The following WHAMM variants were observed in gnomAD, a reference collection of about 807,000 sequenced individuals.
The protein encoded by WHAMM is WASP homolog associated with actin, golgi membranes and microtubules.
A neutral mutation model predicts 76.5 loss-of-function variants in WHAMM; 67 were observed. The ratio of observed to expected loss-of-function variants is 0.88; its 90% CI spans 0.72 to 1.07. The LOEUF is 1.07. Ranked by LOEUF, WHAMM falls within the 50% of genes least tolerant of loss-of-function variation. The pLI, the probability that WHAMM is intolerant of heterozygous loss-of-function variation, is 0.00. For missense variants in WHAMM, 1,021 were observed against 1,051.1 expected (o/e 0.97, Z 0.40); for synonymous variants, 419 against 422.1 (o/e 0.99, Z 0.09).
chr15:82,821,374 T>C (rs2050824197), intron 5 of WHAMM, among the ~76,000 whole-genome samples: 1 of 152,248 alleles, frequency 6.6e-6, no homozygotes, highest in Non-Finnish European at 1.5e-5. Context: ...GTTTATGATG[T>C]TGCTTTTTAA....
intron 2 of WHAMM, among the ~76,000 whole-genome samples, chr15:82,815,155 A>ATATATATACT (rs55807384): frequency 2.2e-5 from 1 of 46,148 alleles, no homozygotes; most frequent in African/African-American, 9.1e-5. Context: ...ATATATATAT[A>ATATATATACT]GTACAATTCA....
intron 8 of WHAMM, among the ~76,000 whole-genome samples, chr15:82,827,685 C>G (rs1466685233): frequency 6.6e-6 from 1 of 152,186 alleles, no homozygotes; most frequent in Admixed American, 6.5e-5. Flanking sequence ...TGGCTTACGC[C>G]TGTAATCCCA....
chr15:82,825,819 A>G (rs1480518039), intron 6 of WHAMM, among the ~76,000 whole-genome samples: 1 of 152,126 alleles, frequency 6.6e-6, no homozygotes, highest in East Asian at 1.9e-4. Flanking sequence ...AGTGGCAATA[A>G]TACAAATTTC....
rs2051104285 is a variant in WHAMM at position 82,834,733 on chromosome 15, T to TGCATTA, written c.*1202_*1207dup. On this transcript the variant is annotated 3_prime_UTR_variant, in exon 10 of 10. Transcript: ENST00000286760. Reference sequence around the variant, plus strand: ...ATAAACTCATAATAACTATTTGCAATGCATTAGCATCACTCACGGGGTAAT... The same window carrying TGCATTA: ...ATAAACTCATAATAACTATTTGCAATGCATTAGCATTAGCATCACTCACGGGGTAAT... 1 of 152,570 alleles carries TGCATTA rather than the reference T, an allele frequency of 6.6e-6. No individual in the cohort carries two copies. The highest frequency in any genetic ancestry group is 1.5e-5 in the Non-Finnish European group (1 of 68,046). The allele number at this position is 152,570 out of a possible 1,614,324, so 9.5% of individuals were successfully genotyped here.
chr15:82,811,489 A>G lies in WHAMM; in HGVS notation c.609+1154A>G, dbSNP rs150380205. ...TGTAGTAAATACTATCAGAAAAGTT[A>G]TAGTTTTCCCAAATTTAAGTTCACT... On this transcript the variant is annotated intron_variant, in intron 1 of 9. Transcript: ENST00000286760. Among the ~76,000 whole-genome samples the G allele has an allele frequency of 6.2e-3, 938 of 152,348 alleles. 11 individuals are homozygous for G. Among genetic ancestry groups the G allele is most frequent in the Non-Finnish European group, 6.2e-3 (423 of 68,034 alleles).
chr15:82,824,596 CGGGCATGAGT>C (rs1284429257), intron 6 of WHAMM, among the ~76,000 whole-genome samples: 1 of 151,522 alleles, frequency 6.6e-6, no homozygotes, highest in East Asian at 1.9e-4. Context: ...GCTGGGATTA[CGGGCATGAGT>C]CACAGCGCCT....
rs1283410629 is a variant in WHAMM, at chr15:82,819,418, A to T, written c.1200A>T (p.Lys400Asn). 2.0e-5 allele frequency: 25 copies of T among 1,245,748 alleles called. No individual in the cohort carries two copies. Among genetic ancestry groups the T allele is most frequent in the Non-Finnish European group, 2.4e-5 (22 of 926,164 alleles). 77.2% of individuals were successfully genotyped at this position (1,245,748 alleles called of 1,614,324 possible). A position where few individuals can be genotyped will look rare whatever the true frequency, so the allele number is the denominator to read the frequency against. ...TTCAATTAGAACTATATGAAGTTAA[A>T]TTTGAGATATTAAAAAACGAAGAAA... ...YEIQLELYEV[K>N]FEILKNEEIL... Residue 400 changes from lysine (K) to asparagine (N), a missense_variant, in exon 5 of 10, where the codon AAA (lysine) becomes AAT (asparagine). Around this residue, in one of 3 missense-constraint regions of WHAMM, gnomAD observed 11 missense variants for 34.0 expected, o/e 0.32. Transcript: ENST00000286760.
chr15:82,835,743 C>T lies in WHAMM; in HGVS notation c.*2207C>T, dbSNP rs116893672. 920 of 152,468 alleles carry T rather than the reference C, an allele frequency of 6.0e-3. 6 individuals carry two copies. The highest frequency in any genetic ancestry group is 0.011 in the Admixed American group (175 of 15,306). 9.4% of individuals were successfully genotyped at this position (152,468 alleles called of 1,614,324 possible). A position where few individuals can be genotyped will look rare whatever the true frequency, so the allele number is the denominator to read the frequency against. ...TTCCCAGGGGTGTTCCAGTGGGGGA[C>T]GCAACCTGCGGGCTACTCGCTGGGC... On this transcript the variant is annotated 3_prime_UTR_variant, in exon 10 of 10. Transcript: ENST00000286760.
At chr15:82,812,780 C>T (rs2050652407) in intron 1 of WHAMM, among the ~76,000 whole-genome samples, 1 of 152,084 alleles carries the variant, frequency 6.6e-6, no homozygotes, top group Non-Finnish European at 1.5e-5. Flanking sequence ...TTCTCTGCCT[C>T]AGCCTCCCCA....
At chr15:82,819,514 A>T (rs771936840) in intron 5 of WHAMM, 26 bp downstream of exon 5, 1 of 1,098,288 alleles carries the variant, frequency 9.1e-7, no homozygotes, top group South Asian at 1.8e-5. Flanking sequence ...ATAGATTGCA[A>T]TGTTTAAATT....
In WHAMM at chr15:82,834,759, GA is replaced by G. The variant is rs1483439963; in HGVS notation, c.*1227del. The G allele has an allele frequency of 6.6e-6, 1 of 152,366 alleles. No individual in the cohort carries two copies. Among genetic ancestry groups the G allele is most frequent in the African/African-American group, 2.4e-5 (1 of 41,454 alleles). The allele number at this position is 152,366 out of a possible 1,614,324, so 9.4% of individuals were successfully genotyped here. On this transcript the variant is annotated 3_prime_UTR_variant, in exon 10 of 10. Transcript: ENST00000286760. ...GCATTAGCATCACTCACGGGGTAAT[GA>G]AAACATACCTTAGCTGCTGTAAAAG...
intron 1 of WHAMM, 137 bp downstream of exon 1, chr15:82,810,472 C>T: frequency 3.3e-6 from 4 of 1,224,412 alleles, no homozygotes; most frequent in Non-Finnish European, 4.1e-6. Flanking sequence ...GCGGGCTCCC[C>T]AGTGCCGTCA....
At chr15:82,827,524 G>A (rs1352741347) in intron 8 of WHAMM, among the ~76,000 whole-genome samples, 1 of 151,984 alleles carries the variant, frequency 6.6e-6, no homozygotes, top group Non-Finnish European at 1.5e-5. Flanking sequence ...CATAATCATT[G>A]TACATATTTA....
chr15:82,816,981 T>C (rs571181634), intron 3 of WHAMM, 139 bp downstream of exon 3: 100 of 840,544 alleles, frequency 1.2e-4, no homozygotes, highest in South Asian at 1.1e-3. Flanking sequence ...TAAGAGACGT[T>C]GTACAGTCTG....
intron 4 of WHAMM, among the ~76,000 whole-genome samples, chr15:82,818,823 C>CTGTCCG (rs1390458218): frequency 1.3e-5 from 2 of 152,232 alleles, no homozygotes; most frequent in Non-Finnish European, 2.9e-5. Flanking sequence ...TGCAGATTCA[C>CTGTCCG]TGTCCGGTGA....
At position 82,831,032 on chromosome 15, in the gene WHAMM, C is replaced by T; in HGVS notation, c.2075C>T (p.Ser692Leu). ...DDQPRPLVCE[S>L]PAERPRDSLE... The stretch of plus-strand genomic sequence containing the variant: ...CAGCCACGTCCTCTAGTGTGCGAAT[C>T]ACCTGCTGAGCGACCACGTGACTCC... The change falls in exon 9 of 10, where the codon TCA (serine) becomes TTA (leucine). Residue 692 changes from serine (S) to leucine (L), a missense_variant. Transcript: ENST00000286760. The T allele has an allele frequency of 1.2e-6, 2 of 1,610,182 alleles. No homozygotes were observed. Among genetic ancestry groups the T allele is most frequent in the South Asian group, 1.1e-5 (1 of 91,012 alleles).
Position 82,809,777 on chromosome 15 carries a change from G to A in WHAMM, c.51G>A (p.Glu17=), listed in dbSNP as rs2151553504. The A allele has an allele frequency of 6.3e-7, 1 of 1,596,720 alleles. No individual in the cohort carries two copies. Among genetic ancestry groups the A allele is most frequent in the Middle Eastern group, 2.3e-4 (1 of 4,384 alleles). ...DSLEGWVPVR[E]GLFAEPERHR... is the part of the protein sequence containing the mutation. ...TGGAGGGCTGGGTGCCGGTCCGGGAGGGCCTCTTCGCCGAGCCCGAGAGGC... is the reference window on the plus strand; with the variant it reads ...TGGAGGGCTGGGTGCCGGTCCGGGAAGGCCTCTTCGCCGAGCCCGAGAGGC... The change falls in exon 1 of 10, where the codon GAG becomes GAA. Residue 17 remains glutamate (E), a synonymous_variant. Transcript: ENST00000286760.
chr15:82,828,282 C>T (rs1485487145), intron 8 of WHAMM, among the ~76,000 whole-genome samples: 1 of 152,144 alleles, frequency 6.6e-6, no homozygotes, highest in Non-Finnish European at 1.5e-5. Flanking sequence ...GAATTGAAGC[C>T]AGGTCTTACT....
rs1467745508 is a variant in WHAMM at position 82,826,821 on chromosome 15, T to TC, written c.1618dup (p.Gln540ProfsTer7). ...ATCAACCAAGAACGTCAAAAAACAC[T>TC]CCAACGATTGAGATCATTTAAAGAT... On this transcript the variant is annotated frameshift_variant, in exon 8 of 10. Coordinates refer to ENST00000286760, the MANE Select transcript of WHAMM (RefSeq NM_001080435.3). LOFTEE classifies it high-confidence loss of function. 2.8e-5 allele frequency: 44 copies of TC among 1,549,002 alleles called. No individual in the cohort carries two copies. Among genetic ancestry groups the TC allele is most frequent in the Non-Finnish European group, 3.7e-5 (43 of 1,146,922 alleles).
Sources: gnomAD v4.1 joint callset for allele counts (sites outside exome capture counted in the v4.1 genomes callset) on GRCh38, gnomAD v4.1.1 for gene constraint, gnomAD v4.1.1 regional missense constraint, MANE v1.5 for transcripts, NCBI Gene and HGNC (gene_info 2026-07-23, HGNC 2026-07-21) for gene names.